Variants in MAPK8 observed in about 807,000 individuals in gnomAD.
MAPK8 encodes JUN N-terminal kinase.
In MAPK8, 13 loss-of-function variants were observed where a neutral mutation model predicts 52.9. The ratio of observed to expected loss-of-function variants is 0.25; its 90% CI spans 0.16 to 0.39. MAPK8 has a LOEUF of 0.39. Ranked by LOEUF, MAPK8 falls within the 10% of genes least tolerant of loss-of-function variation. The probability of loss-of-function intolerance (pLI) is 1.00; values close to 1 mark genes in which losing one functional copy is unlikely to be tolerated. For missense variants in MAPK8, 300 were observed against 519.2 expected (o/e 0.58, Z 4.10); for synonymous variants, 191 against 169.8 (o/e 1.12, Z -0.97).
chr10:48,330,087 T>C (rs2132240964), intron 1 of MAPK8, among the ~76,000 whole-genome samples: 1 of 152,338 alleles, frequency 6.6e-6, no homozygotes, highest in Admixed American at 6.5e-5. Context: ...TACACACATG[T>C]ATAATTTGTA....
At chr10:48,345,302 C>A (rs1845664685) in intron 1 of MAPK8, among the ~76,000 whole-genome samples, 1 of 152,202 alleles carries the variant, frequency 6.6e-6, no homozygotes, top group Admixed American at 6.5e-5. Context: ...CCCTCTCTCT[C>A]AACTATTGGG....
chr10:48,334,582 C>T (rs1844483216), intron 1 of MAPK8, among the ~76,000 whole-genome samples: 2 of 152,172 alleles, frequency 1.3e-5, no homozygotes, highest in South Asian at 4.1e-4. Flanking sequence ...GAATAACAGT[C>T]TCAGGTTTGT....
intron 1 of MAPK8, among the ~76,000 whole-genome samples, chr10:48,381,431 G>C (rs2040998476): frequency 8.2e-6 from 1 of 122,072 alleles, no homozygotes; most frequent in Non-Finnish European, 1.8e-5. Context: ...GCATACAAGA[G>C]TGTTTCCCAT....
chr10:48,401,610 A>AGCTT lies in MAPK8; in HGVS notation c.-49-1_-47dup. On this transcript the variant is annotated splice_acceptor_variant, in intron 1 of 11. Transcript: ENST00000374189. LOFTEE classifies it low-confidence loss of function (5UTR_SPLICE). ...AACATCATGTTTTGTTGCATCTTGC[A>AGCTT]GCTTCTTGGTGAATTTTTGGATGAA... 6.3e-7 allele frequency: 1 copy of AGCTT among 1,595,922 alleles called. No individual in the cohort carries two copies. Among genetic ancestry groups the AGCTT allele is most frequent in the Non-Finnish European group, 8.5e-7 (1 of 1,171,820 alleles).
intron 2 of MAPK8, 39 bp from the exon 3 acceptor site, chr10:48,404,813 T>C: frequency 1.3e-6 from 2 of 1,551,640 alleles, no homozygotes; most frequent in Non-Finnish European, 1.8e-6. Flanking sequence ...AGATTTTTGC[T>C]TGAAGTTTTT....
chr10:48,417,785 A>G (rs2043143624), intron 5 of MAPK8, among the ~76,000 whole-genome samples: 1 of 151,906 alleles, frequency 6.6e-6, no homozygotes. Context: ...CCAGGGGTCT[A>G]GTAGCATTTA....
intron 1 of MAPK8, among the ~76,000 whole-genome samples, chr10:48,375,077 G>A (rs2040569475): frequency 6.6e-6 from 1 of 152,136 alleles, no homozygotes; most frequent in African/African-American, 2.4e-5. Context: ...TGCGAGGCTG[G>A]TTCAACATAT....
chr10:48,394,234 C>G (rs1210931646), intron 1 of MAPK8, among the ~76,000 whole-genome samples: 1 of 151,902 alleles, frequency 6.6e-6, no homozygotes, highest in African/African-American at 2.4e-5. Flanking sequence ...TCCATACACT[C>G]TTTCTGAAAA....
chr10:48,355,373 G>T (rs1407564595), intron 1 of MAPK8, among the ~76,000 whole-genome samples: 2 of 151,918 alleles, frequency 1.3e-5, no homozygotes, highest in African/African-American at 4.8e-5. Flanking sequence ...GCCGGGTGTA[G>T]TGGCGGGTGC....
In MAPK8 at chr10:48,435,050, T is replaced by TGGGGGG; in HGVS notation, c.*24_*25insGGGGGG. On this transcript the variant is annotated 3_prime_UTR_variant, in exon 12 of 12. Coordinates refer to ENST00000374189, the MANE Select transcript of MAPK8 (RefSeq NM_001323329.2). ...GATGACTACTTGGGCCATCGGGGGGTGGGAGGGATGGGGAGTCGGTTAGTC... is the reference window on the plus strand; with the variant it reads ...GATGACTACTTGGGCCATCGGGGGGTGGGGGGGGGAGGGATGGGGAGTCGGTTAGTC... 1 of 293,708 alleles carries TGGGGGG rather than the reference T, an allele frequency of 3.4e-6. No individual in the cohort carries two copies. The highest frequency in any genetic ancestry group is 6.7e-6 in the Non-Finnish European group (1 of 149,022). 18.2% of individuals were successfully genotyped at this position (293,708 alleles called of 1,614,324 possible).
chr10:48,407,129 C>CT (rs1168983282), intron 3 of MAPK8, among the ~76,000 whole-genome samples: 6 of 152,146 alleles, frequency 3.9e-5, no homozygotes, highest in Non-Finnish European at 8.8e-5. Flanking sequence ...GCTGTGATTG[C>CT]TTTTTTCTTC....
intron 1 of MAPK8, among the ~76,000 whole-genome samples, chr10:48,366,725 G>A (rs1881737): frequency 0.81 from 122,919 of 152,088 alleles, 49,862 homozygotes; most frequent in Middle Eastern, 0.9. Flanking sequence ...TCATTTCATG[G>A]CCCATCGGTG....
chr10:48,361,220 C>G (rs555525306), intron 1 of MAPK8, among the ~76,000 whole-genome samples: 1 of 152,082 alleles, frequency 6.6e-6, no homozygotes, highest in Non-Finnish European at 1.5e-5. Flanking sequence ...GCATATTACC[C>G]CTGATCACAT....
chr10:48,336,373 T>G (rs1844688241), intron 1 of MAPK8, among the ~76,000 whole-genome samples: 1 of 152,088 alleles, frequency 6.6e-6, no homozygotes, highest in South Asian at 2.1e-4. Context: ...AAATTAAATT[T>G]GCAGTAAAAA....
chr10:48,359,559 G>A (rs1847327974), intron 1 of MAPK8, among the ~76,000 whole-genome samples: 1 of 152,068 alleles, frequency 6.6e-6, no homozygotes, highest in Non-Finnish European at 1.5e-5. Context: ...TGTGATATTG[G>A]TACAAAGGTA....
intron 1 of MAPK8, among the ~76,000 whole-genome samples, chr10:48,319,422 C>A (rs1245220107): frequency 1.3e-5 from 2 of 152,000 alleles, no homozygotes; most frequent in African/African-American, 2.4e-5. Context: ...ACACACACCC[C>A]CTCCTCTCCC....
chr10:48,435,068 G>T lies in MAPK8; in HGVS notation c.*39G>T, dbSNP rs192957799. 19 of 1,456,012 alleles carry T rather than the reference G, an allele frequency of 1.3e-5. No homozygotes were observed. In the East Asian group the frequency reaches 4.4e-4, roughly 34 times the overall value. The allele number at this position is 1,456,012 out of a possible 1,614,324, so 90.2% of individuals were successfully genotyped here. ...CGGGGGGTGGGAGGGATGGGGAGTC[G>T]GTTAGTCATTGATAGAACTACTTTG... is the stretch of plus-strand genomic sequence containing the variant. On this transcript the variant is annotated 3_prime_UTR_variant, in exon 12 of 12. Transcript: ENST00000374189.
chr10:48,427,984 A>G (rs1280923663), intron 10 of MAPK8, among the ~76,000 whole-genome samples: 1 of 152,228 alleles, frequency 6.6e-6, no homozygotes, highest in African/African-American at 2.4e-5. Context: ...ATATGAGAAC[A>G]TGCCTGGAAG....
chr10:48,431,233 C>G lies in MAPK8; in HGVS notation c.1101C>G (p.Thr367=), dbSNP rs201573286. ...YKEVMDLEER[T]KNGVIRGQPS... is the part of the protein sequence containing the mutation. The stretch of plus-strand genomic sequence containing the variant: ...AAGTTATGGACTTGGAGGAGAGAAC[C>G]AAGAATGGAGTTATACGGGGGCAGC... The change falls in exon 11 of 12, where the codon ACC becomes ACG. Residue 367 remains threonine (T), a synonymous_variant. Coordinates refer to ENST00000374189, the MANE Select transcript of MAPK8 (RefSeq NM_001323329.2). 6.2e-6 allele frequency: 10 copies of G among 1,611,916 alleles called. No individual in the cohort carries two copies. The highest frequency in any genetic ancestry group is 8.5e-6 in the Non-Finnish European group (10 of 1,178,124).
Sources: allele counts gnomAD v4.1 joint callset (sites outside exome capture counted in the v4.1 genomes callset), GRCh38; gene constraint gnomAD v4.1.1; transcripts MANE v1.5; gene names NCBI Gene and HGNC (gene_info 2026-07-23, HGNC 2026-07-21).